The following RAPGEF1 variants were observed in gnomAD, a reference collection of about 807,000 sequenced individuals.
The protein encoded by RAPGEF1 is CRK SH3-binding GNRP.
Under a neutral mutation model 143.3 loss-of-function variants are expected in RAPGEF1, and 33 were observed. That is an observed-to-expected ratio of 0.23 (90% CI 0.17 to 0.31). RAPGEF1 has a LOEUF of 0.31. Among genes scored for constraint, RAPGEF1 ranks in the 10% least tolerant of loss-of-function variants. The pLI, the probability that RAPGEF1 is intolerant of heterozygous loss-of-function variation, is 1.00. For missense variants in RAPGEF1, 1,199 were observed against 1,645.4 expected (o/e 0.73, Z 4.69); for synonymous variants, 629 against 676.5 (o/e 0.93, Z 1.09).
At chr9:131,601,087 G>A (rs529187770) in intron 15 of RAPGEF1, among the ~76,000 whole-genome samples, 171 of 149,812 alleles carry the variant, frequency 1.1e-3, no homozygotes, top group African/African-American at 4.0e-3. Flanking sequence ...CGGGAGAATC[G>A]CTTGAGCCCG....
chr9:131,684,542 GA>G (rs1833173797), intron 1 of RAPGEF1, among the ~76,000 whole-genome samples: 1 of 152,210 alleles, frequency 6.6e-6, no homozygotes, highest in Non-Finnish European at 1.5e-5. Context: ...GGGAAATAGA[GA>G]TTATGGAACA....
At chr9:131,696,113 C>G (rs997340174) in intron 1 of RAPGEF1, among the ~76,000 whole-genome samples, 8 of 152,242 alleles carry the variant, frequency 5.3e-5, no homozygotes, top group African/African-American at 1.9e-4. Flanking sequence ...CACAGGACAG[C>G]TGGTCTCCCC....
chr9:131,689,900 T>A (rs940240617), intron 1 of RAPGEF1, among the ~76,000 whole-genome samples: 12 of 152,232 alleles, frequency 7.9e-5, no homozygotes, highest in Non-Finnish European at 1.6e-4. Context: ...CTGAGTTGTT[T>A]CTAAATAAGT....
At chr9:131,620,640 T>C (rs545307216) in intron 11 of RAPGEF1, among the ~76,000 whole-genome samples, 1 of 152,296 alleles carries the variant, frequency 6.6e-6, no homozygotes, top group East Asian at 1.9e-4. Context: ...AAGCTTGGCC[T>C]TTCCTCTACT....
intron 1 of RAPGEF1, among the ~76,000 whole-genome samples, chr9:131,666,962 CTT>C (rs1830533537): frequency 6.6e-6 from 1 of 152,122 alleles, no homozygotes; most frequent in Non-Finnish European, 1.5e-5. Context: ...GTGCTGAGGT[CTT>C]GAAGGTGGCA....
chr9:131,657,598 ACTGT>A (rs141274197), intron 1 of RAPGEF1, among the ~76,000 whole-genome samples: 13,044 of 152,214 alleles, frequency 0.086, 636 homozygotes, highest in Middle Eastern at 0.26. Context: ...CGGTACCTGA[ACTGT>A]CTAACACGAC....
chr9:131,698,141 C>T (rs1240979131), intron 1 of RAPGEF1, among the ~76,000 whole-genome samples: 1 of 152,282 alleles, frequency 6.6e-6, no homozygotes, highest in East Asian at 1.9e-4. Context: ...GTCCAATCCC[C>T]GCACAGTAAA....
chr9:131,647,947 A>G (rs1421356282), intron 3 of RAPGEF1, among the ~76,000 whole-genome samples: 2 of 151,842 alleles, frequency 1.3e-5, no homozygotes, highest in African/African-American at 4.8e-5. Context: ...CTAGAAGCCA[A>G]TAACATCTGC....
At chr9:131,713,444 C>T (rs966111783) in intron 1 of RAPGEF1, among the ~76,000 whole-genome samples, 2 of 152,162 alleles carry the variant, frequency 1.3e-5, no homozygotes, top group Non-Finnish European at 2.9e-5. Context: ...AGGAAAACCT[C>T]TGCTACCCAT....
intron 1 of RAPGEF1, among the ~76,000 whole-genome samples, chr9:131,683,909 AAGT>A (rs1374318821): frequency 6.6e-6 from 1 of 152,258 alleles, no homozygotes; most frequent in Non-Finnish European, 1.5e-5. Context: ...CAGCAGTTAG[AAGT>A]AGAAGGCACC....
intron 1 of RAPGEF1, among the ~76,000 whole-genome samples, chr9:131,721,048 T>C (rs962206584): frequency 1.3e-5 from 2 of 152,156 alleles, no homozygotes; most frequent in Admixed American, 6.5e-5. Context: ...ACATGCCAAG[T>C]AGCAGATGCC....
intron 3 of RAPGEF1, among the ~76,000 whole-genome samples, chr9:131,647,696 C>T (rs1201996753): frequency 6.6e-6 from 1 of 152,216 alleles, no homozygotes; most frequent in Admixed American, 6.5e-5. Flanking sequence ...AAGAGGTTCG[C>T]ATTTACTTGT....
intron 5 of RAPGEF1, among the ~76,000 whole-genome samples, chr9:131,637,898 G>A (rs1246204027): frequency 6.6e-6 from 1 of 152,204 alleles, no homozygotes; most frequent in African/African-American, 2.4e-5. Flanking sequence ...TTCAAATCTA[G>A]CCAGGTGCTA....
intron 18 of RAPGEF1, 141 bp from the exon 19 acceptor site, chr9:131,590,119 C>T: frequency 2.7e-6 from 2 of 734,828 alleles, no homozygotes; most frequent in Non-Finnish European, 4.7e-6. Context: ...GAAACGAGGG[C>T]ACGGGACTAG....
At position 131,630,247 on chromosome 9, in the gene RAPGEF1, GCTGGCAGGGGAA is replaced by G. The variant is rs1162492931; in HGVS notation, c.717_728del (p.Ser240_Ser243del). On this transcript the variant is annotated inframe_deletion, in exon 6 of 27. Transcript: ENST00000683357. Reference sequence around the variant, plus strand: ...TAGTCAGCACCTACCCATCAGGCTTGCTGGCAGGGGAACTGGGCTTCACGGGGCTCGTCGGAG... The same window carrying G: ...TAGTCAGCACCTACCCATCAGGCTTGCTGGGCTTCACGGGGCTCGTCGGAG... The G allele has an allele frequency of 6.2e-7, 1 of 1,613,156 alleles. No homozygotes were observed. Among genetic ancestry groups the G allele is most frequent in the Non-Finnish European group, 8.5e-7 (1 of 1,179,492 alleles).
At chr9:131,664,437 TGA>T (rs1374182200) in intron 1 of RAPGEF1, among the ~76,000 whole-genome samples, 2 of 152,234 alleles carry the variant, frequency 1.3e-5, no homozygotes, top group East Asian at 1.9e-4. Context: ...TAATTAAATA[TGA>T]GTGTGTATAT....
intron 1 of RAPGEF1, among the ~76,000 whole-genome samples, chr9:131,718,556 T>C (rs995809869): frequency 2.0e-4 from 30 of 152,174 alleles, no homozygotes; most frequent in African/African-American, 7.0e-4. Context: ...CAGGATTTAT[T>C]GGAGTAAATC....
chr9:131,580,207 T>C, intron 26 of RAPGEF1, 56 bp downstream of exon 26: 6 of 1,602,322 alleles, frequency 3.7e-6, no homozygotes, highest in Admixed American at 1.7e-5. Flanking sequence ...CTGTCTCTCC[T>C]TGTGTGTGGC....
chr9:131,734,519 AAGTGTTAAAACGGGTG>A (rs1837293979), intron 1 of RAPGEF1, among the ~76,000 whole-genome samples: 1 of 152,234 alleles, frequency 6.6e-6, no homozygotes, highest in Non-Finnish European at 1.5e-5. Context: ...GGCACTCAGT[AAGTGTTAAAACGGGTG>A]AGTGAAAGGA....
Sources: allele counts gnomAD v4.1 joint callset (sites outside exome capture counted in the v4.1 genomes callset), GRCh38; gene constraint gnomAD v4.1.1; transcripts MANE v1.5; gene names NCBI Gene and HGNC (gene_info 2026-07-23, HGNC 2026-07-21).